The following STXBP4 variants were observed in gnomAD, a reference collection of about 807,000 sequenced individuals.
STXBP4 encodes the protein syntaxin binding protein 4.
STXBP4 carries 55 observed loss-of-function variants against 76.1 expected under a neutral mutation model. The ratio of observed to expected loss-of-function variants is 0.72; its 90% CI spans 0.58 to 0.91. The LOEUF (loss-of-function observed/expected upper bound fraction) is 0.91. STXBP4 is among the 40% of genes least tolerant of loss of function. The pLI, the probability that STXBP4 is intolerant of heterozygous loss-of-function variation, is 0.00. For missense variants in STXBP4, 618 were observed against 636.9 expected, an observed-to-expected ratio of 0.97 and a Z score of 0.32; for synonymous variants, 201 against 220.2, an observed-to-expected ratio of 0.91 and a Z score of 0.77.
intron 12 of STXBP4, among the ~76,000 whole-genome samples, chr17:55,055,559 T>C (rs561619265): frequency 6.6e-6 from 1 of 152,284 alleles, no homozygotes; most frequent in Admixed American, 6.5e-5. Flanking sequence ...AAATATTGTT[T>C]TAAAACTGCA....
rs747500267 is a variant in STXBP4, at chr17:55,078,236, A to T, written c.1305+42A>T. 18 of 1,264,386 alleles carry T rather than the reference A, an allele frequency of 1.4e-5. No homozygotes were observed. The Admixed American group carries it at 2.9e-4, about 20-fold the overall frequency. The allele number at this position is 1,264,386 out of a possible 1,614,324, so 78.3% of individuals were successfully genotyped here. A position where few individuals can be genotyped will look rare whatever the true frequency, so the allele number is the denominator to read the frequency against. On this transcript the variant is annotated intron_variant, in intron 14 of 17. Coordinates refer to ENST00000376352, the MANE Select transcript of STXBP4 (RefSeq NM_178509.6). ...TATTACATTCATCTTTAAAAAATAT[A>T]TAGGCAACTGGCATATAGATAAATG...
chr17:55,110,974 G>A (rs1437010650), intron 16 of STXBP4, among the ~76,000 whole-genome samples: 3 of 152,164 alleles, frequency 2.0e-5, no homozygotes, highest in Admixed American at 6.5e-5. Flanking sequence ...TTCAGGAAAC[G>A]TTGCCTGGCT....
In STXBP4 at chr17:55,092,445, G is replaced by A. The variant is rs2787500; in HGVS notation, c.1489+11262G>A. Reference sequence around the variant, plus strand: ...TTATTAACAACCATGTAATTTAGTAGGTCTCATTACTCTGAAAAATCTTTG... The same window carrying A: ...TTATTAACAACCATGTAATTTAGTAAGTCTCATTACTCTGAAAAATCTTTG... On this transcript the variant is annotated intron_variant, in intron 16 of 17. Coordinates refer to ENST00000376352, the MANE Select transcript of STXBP4 (RefSeq NM_178509.6). Among the ~76,000 whole-genome samples the A allele has an allele frequency of 2.5e-4, 38 of 152,118 alleles. 2 individuals carry two copies. Among genetic ancestry groups the A allele is most frequent in the African/African-American group, 8.7e-4 (36 of 41,460 alleles).
chr17:55,206,191 A>G, the STXBP4 span, among the ~76,000 whole-genome samples: 1 of 152,040 alleles, frequency 6.6e-6, no homozygotes, highest in Non-Finnish European at 1.5e-5. Context: ...ATTATTACAT[A>G]TATATATTGT....
intron 8 of STXBP4, among the ~76,000 whole-genome samples, chr17:55,022,686 C>T (rs541430118): frequency 1.3e-5 from 2 of 152,108 alleles, no homozygotes; most frequent in South Asian, 2.1e-4. Context: ...AGACATGAAG[C>T]GTGAGAATTA....
chr17:55,209,399 C>G, the STXBP4 span, among the ~76,000 whole-genome samples: 95 of 152,210 alleles, frequency 6.2e-4, no homozygotes, highest in East Asian at 0.012. Flanking sequence ...GCAGGCCCAG[C>G]TGAGGCGCAT....
intron 16 of STXBP4, among the ~76,000 whole-genome samples, chr17:55,115,531 A>T (rs2079770695): frequency 6.6e-6 from 1 of 151,776 alleles, no homozygotes; most frequent in Non-Finnish European, 1.5e-5. Context: ...TAATTATTTA[A>T]TGCTTCCCAA....
intron 16 of STXBP4, among the ~76,000 whole-genome samples, chr17:55,129,733 A>G (rs1183801118): frequency 6.6e-6 from 1 of 152,214 alleles, no homozygotes; most frequent in African/African-American, 2.4e-5. Flanking sequence ...TCTAATTTAG[A>G]CATTGTATAA....
chr17:54,990,791 A>C (rs1406927222), intron 3 of STXBP4, 34 bp from the exon 4 acceptor site: 14 of 1,570,586 alleles, frequency 8.9e-6, no homozygotes, highest in Non-Finnish European at 1.2e-5. Flanking sequence ...AGATCTCTAG[A>C]CTAACCTGTG....
At chr17:55,119,186 C>G (rs117419336) in intron 16 of STXBP4, among the ~76,000 whole-genome samples, 6,900 of 151,990 alleles carry the variant, frequency 0.045, 314 homozygotes, top group Non-Finnish European at 0.054. Flanking sequence ...TAAGAAGCCT[C>G]TCCCTGGTAC....
At chr17:55,092,616 C>G (rs1314681384) in intron 16 of STXBP4, among the ~76,000 whole-genome samples, 2 of 152,188 alleles carry the variant, frequency 1.3e-5, no homozygotes, top group African/African-American at 4.8e-5. Flanking sequence ...TGCAAGTCTC[C>G]TGCATCACTT....
At chr17:55,144,961 G>A (rs2080136219) in intron 17 of STXBP4, among the ~76,000 whole-genome samples, 1 of 152,194 alleles carries the variant, frequency 6.6e-6, no homozygotes, top group South Asian at 2.1e-4. Context: ...GAATGAGCTT[G>A]TGTATTTAAA....
chr17:55,129,436 C>T (rs1267943207), intron 16 of STXBP4, among the ~76,000 whole-genome samples: 1 of 151,802 alleles, frequency 6.6e-6, no homozygotes, highest in African/African-American at 2.4e-5. Flanking sequence ...ATAAAGAAAA[C>T]TAAAATTAAG....
At chr17:55,129,055 G>GAGT (rs973525711) in intron 16 of STXBP4, among the ~76,000 whole-genome samples, 1 of 149,106 alleles carries the variant, frequency 6.7e-6, no homozygotes, top group African/African-American at 2.5e-5. Context: ...TCAGCCTCCT[G>GAGT]AGTAGCTGGG....
intron 7 of STXBP4, among the ~76,000 whole-genome samples, chr17:55,001,219 G>A (rs1416421468): frequency 4.6e-5 from 7 of 152,168 alleles, no homozygotes; most frequent in Non-Finnish European, 8.8e-5. Context: ...CAATACTGAT[G>A]AGGCATATTA....
Position 54,988,564 on chromosome 17 carries a change from A to T in STXBP4, c.48-2261A>T, listed in dbSNP as rs963191184. Among the ~76,000 whole-genome samples, 5 of 152,142 alleles carry T rather than the reference A, an allele frequency of 3.3e-5. No individual in the cohort carries two copies. The South Asian group carries it at 6.2e-4, about 19-fold the overall frequency. On this transcript the variant is annotated intron_variant, in intron 3 of 17. Coordinates refer to ENST00000376352, the MANE Select transcript of STXBP4 (RefSeq NM_178509.6). ...CGAGGCGGGTGGATCACTTGAGGTC[A>T]GGAGTTCGAGACCAGCCTGGCCAAC...
chr17:55,118,852 A>G (rs2079812044), intron 16 of STXBP4, among the ~76,000 whole-genome samples: 1 of 151,492 alleles, frequency 6.6e-6, no homozygotes, highest in South Asian at 2.1e-4. Context: ...TAATTTTTTA[A>G]AATTTTCTCA....
chr17:54,968,977 G>T (rs540460367), intron 1 of STXBP4, among the ~76,000 whole-genome samples, 162 bp downstream of exon 1: 1 of 151,954 alleles, frequency 6.6e-6, no homozygotes, highest in African/African-American at 2.4e-5. Flanking sequence ...CCTTTGTCTC[G>T]ACCCGGCAGC....
At chr17:55,092,096 G>A (rs1383675887) in intron 16 of STXBP4, among the ~76,000 whole-genome samples, 1 of 152,150 alleles carries the variant, frequency 6.6e-6, no homozygotes, top group African/African-American at 2.4e-5. Flanking sequence ...ACTTATAAGT[G>A]GGAGCTAAGA....
Sources: gnomAD v4.1 joint callset for allele counts (sites outside exome capture counted in the v4.1 genomes callset) on GRCh38, gnomAD v4.1.1 for gene constraint, MANE v1.5 for transcripts, NCBI Gene and HGNC (gene_info 2026-07-23, HGNC 2026-07-21) for gene names.